SLFN11: variants seen among roughly 807,000 people sequenced by gnomAD.
The protein encoded by SLFN11 is schlafen family member 11.
In SLFN11, 43 loss-of-function variants were observed where a neutral mutation model predicts 53.4. That is an observed-to-expected ratio of 0.80 (90% CI 0.63 to 1.04). The LOEUF (loss-of-function observed/expected upper bound fraction) is 1.04. Among genes scored for constraint, SLFN11 ranks in the 50% least tolerant of loss-of-function variants. The probability of loss-of-function intolerance (pLI) is 0.00; values close to 1 mark genes in which losing one functional copy is unlikely to be tolerated. For missense variants in SLFN11, 990 were observed against 1,079.1 expected (o/e 0.92, Z 1.16); for synonymous variants, 389 against 394.7 (o/e 0.99, Z 0.17).
intron 1 of SLFN11, among the ~76,000 whole-genome samples, chr17:35,371,728 A>G (rs1010610896): frequency 2.6e-5 from 4 of 152,164 alleles, no homozygotes; most frequent in Non-Finnish European, 5.9e-5. Flanking sequence ...GGTGCTCAAC[A>G]TCACTGATCA....
In SLFN11 at chr17:35,353,857, G is replaced by A. The variant is rs1410531191; in HGVS notation, c.1401C>T (p.Asn467=). The change falls in exon 6 of 7, where the codon AAC becomes AAT. Residue 467 remains asparagine (N), a synonymous_variant. Transcript: ENST00000685675. ...GAATGGTGTAGAGAATGGGGGTGCT[G>A]TTCTGTGCTATCAGCAGAGCATCAC... The part of the protein sequence containing the change: ...VICDALLIAQ[N]STPILYTILR... The A allele has an allele frequency of 3.1e-6, 5 of 1,607,730 alleles. No homozygotes were observed. The East Asian group carries it at 1.1e-4, about 36-fold the overall frequency.
Position 35,360,235 on chromosome 17 carries a change from A to G in SLFN11, c.1198+8T>C, listed in dbSNP as rs767262327. The G allele has an allele frequency of 6.2e-7, 1 of 1,609,336 alleles. No homozygotes were observed. Among genetic ancestry groups the G allele is most frequent in the South Asian group, 1.1e-5 (1 of 89,890 alleles). ...CTGGCTGGTGTTGAGAAGACAAACC[A>G]TAATTACCTGAAAATAAAAGTTGCT... is the stretch of plus-strand genomic sequence containing the variant. On this transcript the variant is annotated splice_region_variant and intron_variant, in intron 5 of 6. Coordinates refer to ENST00000685675, the MANE Select transcript of SLFN11 (RefSeq NM_001376007.1).
chr17:35,360,433 A>G (rs1292484639), intron 4 of SLFN11, 62 bp from the exon 5 acceptor site: 1 of 1,412,240 alleles, frequency 7.1e-7, no homozygotes, highest in Non-Finnish European at 9.7e-7. Flanking sequence ...AAGAGGCTCT[A>G]TCAGTAGGTG....
intron 4 of SLFN11, among the ~76,000 whole-genome samples, chr17:35,362,502 A>G (rs1908351659): frequency 1.3e-5 from 2 of 152,164 alleles, no homozygotes; most frequent in African/African-American, 4.8e-5. Context: ...GCCATTCTCA[A>G]ATAATTTTCT....
chr17:35,363,822 T>C lies in SLFN11; in HGVS notation c.-15A>G. The C allele has an allele frequency of 3.9e-6, 6 of 1,541,654 alleles. No homozygotes were observed. The highest frequency in any genetic ancestry group is 5.2e-6 in the Non-Finnish European group (6 of 1,149,726). On this transcript the variant is annotated 5_prime_UTR_variant, in exon 4 of 7. Transcript: ENST00000685675. Reference sequence around the variant, plus strand: ...TTTGCCTCCATGTTGAACTCACAGCTGAAACTATTAGAAGAAATGAAGTGT... The same window carrying C: ...TTTGCCTCCATGTTGAACTCACAGCCGAAACTATTAGAAGAAATGAAGTGT...
intron 4 of SLFN11, among the ~76,000 whole-genome samples, chr17:35,360,840 T>G (rs1908114391): frequency 1.3e-5 from 2 of 152,106 alleles, no homozygotes; most frequent in South Asian, 4.1e-4. Context: ...CACAGTAGCT[T>G]GTGCCTGTAG....
chr17:35,370,795 A>G (rs996204398), intron 1 of SLFN11, among the ~76,000 whole-genome samples: 4 of 152,108 alleles, frequency 2.6e-5, no homozygotes, highest in Non-Finnish European at 5.9e-5. Flanking sequence ...AAACTATAAA[A>G]TCATGATGAA....
Position 35,363,510 on chromosome 17 carries a change from CT to C in SLFN11, c.297del (p.Gly100GlufsTer53). ...DLQAFFETKQ[Q>X]GRCFYIFVKS... ...TTAACAAAAATGTAAAAACACCTTC[CT>C]TGTTGCTTGGTCTCAAAGAAAGCCT... On this transcript the variant is annotated frameshift_variant, in exon 4 of 7. Coordinates refer to ENST00000685675, the MANE Select transcript of SLFN11 (RefSeq NM_001376007.1). LOFTEE classifies it high-confidence loss of function. 1 of 1,613,996 alleles carries C rather than the reference CT, an allele frequency of 6.2e-7. No homozygotes were observed. The highest frequency in any genetic ancestry group is 8.5e-7 in the Non-Finnish European group (1 of 1,179,972).
At chr17:35,371,655 T>C (rs558569027) in intron 1 of SLFN11, among the ~76,000 whole-genome samples, 3 of 151,872 alleles carry the variant, frequency 2.0e-5, no homozygotes, top group East Asian at 3.9e-4. Context: ...TATTGAAAAA[T>C]GGGCAAAAGA....
In SLFN11 at chr17:35,353,437, G is replaced by A. The variant is rs749454545; in HGVS notation, c.1821C>T (p.Ile607=). 3 of 1,606,920 alleles carry A rather than the reference G, an allele frequency of 1.9e-6. No homozygotes were observed. In the South Asian group the frequency reaches 3.3e-5, roughly 18 times the overall value. Residue 607 remains isoleucine (I), a synonymous_variant, in exon 6 of 7, where the codon ATC becomes ATT. Coordinates refer to ENST00000685675, the MANE Select transcript of SLFN11 (RefSeq NM_001376007.1). ...TCTTCTCCATGATCTTCATGGCCAT[G>A]ATGGTCTTCCCTGAGCCAGGTAAGC... is the stretch of plus-strand genomic sequence containing the variant. ...VHGLPGSGKT[I]MAMKIMEKIR...
rs773292358 is a variant in SLFN11, at chr17:35,360,198, C to G, written c.1198+45G>C. The stretch of plus-strand genomic sequence containing the variant: ...TATTATAGTTTAATCTCCCTTTATC[C>G]TAATATAGAAACTGGCTGGTGTTGA... On this transcript the variant is annotated intron_variant, in intron 5 of 6. Coordinates refer to ENST00000685675, the MANE Select transcript of SLFN11 (RefSeq NM_001376007.1). The G allele has an allele frequency of 1.9e-6, 3 of 1,579,274 alleles. No individual in the cohort carries two copies. In the East Asian group the frequency reaches 6.7e-5, roughly 35 times the overall value.
chr17:35,357,172 GTGTGTC>G (rs1907620634), intron 5 of SLFN11, among the ~76,000 whole-genome samples: 2 of 148,546 alleles, frequency 1.3e-5, no homozygotes, highest in African/African-American at 2.5e-5. Context: ...GTGTGTGTGT[GTGTGTC>G]TGTGTCCTTA....
At position 35,352,336 on chromosome 17, in the gene SLFN11, A is replaced by C; in HGVS notation, c.*20T>G. The stretch of plus-strand genomic sequence containing the variant: ...TGTCACCCATAGACATTTACATAGC[A>C]TTTTGATTTGGAGTTCTTCCTAATG... On this transcript the variant is annotated 3_prime_UTR_variant, in exon 7 of 7. Transcript: ENST00000685675. 1.2e-6 allele frequency: 2 copies of C among 1,611,836 alleles called. No individual in the cohort carries two copies. Among genetic ancestry groups the C allele is most frequent in the Admixed American group, 1.7e-5 (1 of 59,944 alleles).
At position 35,352,616 on chromosome 17, in the gene SLFN11, CG is replaced by C; in HGVS notation, c.2445del (p.Ala816GlnfsTer12). 6.2e-7 allele frequency: 1 copy of C among 1,614,174 alleles called. No homozygotes were observed. The highest frequency in any genetic ancestry group is 8.5e-7 in the Non-Finnish European group (1 of 1,180,036). ...TACTTATAGTGCTCCACTTCTTTTGCGGTGCTGACAAGCACAGCAACATCCT... is the reference window on the plus strand; with the variant it reads ...TACTTATAGTGCTCCACTTCTTTTGCGTGCTGACAAGCACAGCAACATCCT... ...SPKDVAVLVS[T>X]AKEVEHYKYE... On this transcript the variant is annotated frameshift_variant, in exon 7 of 7. Coordinates refer to ENST00000685675, the MANE Select transcript of SLFN11 (RefSeq NM_001376007.1). LOFTEE classifies it low-confidence loss of function (END_TRUNC).
At chr17:35,373,092 C>G (rs1294462687) in intron 1 of SLFN11, among the ~76,000 whole-genome samples, 1 of 152,086 alleles carries the variant, frequency 6.6e-6, no homozygotes, top group Non-Finnish European at 1.5e-5. Flanking sequence ...ACTCTGAAAC[C>G]TGAGATCTGC....
At position 35,351,225 on chromosome 17, in the gene SLFN11, A is replaced by T. The variant is rs1239560802; in HGVS notation, c.*1131T>A. 6.6e-6 allele frequency: 1 copy of T among 152,172 alleles called. No homozygotes were observed. Among genetic ancestry groups the T allele is most frequent in the African/African-American group, 2.4e-5 (1 of 41,400 alleles). The allele number at this position is 152,172 out of a possible 1,614,324, so 9.4% of individuals were successfully genotyped here. A position where few individuals can be genotyped will look rare whatever the true frequency, so the allele number is the denominator to read the frequency against. On this transcript the variant is annotated 3_prime_UTR_variant, in exon 7 of 7. Transcript: ENST00000685675. ...TGCCCTCTTGTTTGCATGCACAGGGAGGGAGGGAACAAGCTCTCTGGGGTC... is the reference window on the plus strand; with the variant it reads ...TGCCCTCTTGTTTGCATGCACAGGGTGGGAGGGAACAAGCTCTCTGGGGTC...
At chr17:35,369,949 A>G (rs996314177) in intron 1 of SLFN11, among the ~76,000 whole-genome samples, 8 of 152,144 alleles carry the variant, frequency 5.3e-5, no homozygotes, top group African/African-American at 1.9e-4. Flanking sequence ...AGAAGAACTA[A>G]TATCAATCTT....
At chr17:35,358,326 G>A (rs191871001) in intron 5 of SLFN11, among the ~76,000 whole-genome samples, 120 of 151,478 alleles carry the variant, frequency 7.9e-4, no homozygotes, top group African/African-American at 2.8e-3. Flanking sequence ...TTATTTTACT[G>A]TTTACAGTAG....
Position 35,353,112 on chromosome 17 carries a change from G to A in SLFN11, c.1950C>T (p.Thr650=). 1 of 1,613,912 alleles carries A rather than the reference G, an allele frequency of 6.2e-7. No homozygotes were observed. Among genetic ancestry groups the A allele is most frequent in the Non-Finnish European group, 8.5e-7 (1 of 1,179,940 alleles). ...AGTTTTCTCTTAGGAAAGTTTTCCG[G>A]GTCTCTGCTCGGCAGATATTTCTAT... ...ISDRNICRAE[T]RKTFLRENFE... The change falls in exon 7 of 7, where the codon ACC becomes ACT. Residue 650 remains threonine, a synonymous_variant. Transcript: ENST00000685675.
Sources: allele counts gnomAD v4.1 joint callset (sites outside exome capture counted in the v4.1 genomes callset), GRCh38; gene constraint gnomAD v4.1.1; transcripts MANE v1.5; gene names NCBI Gene and HGNC (gene_info 2026-07-23, HGNC 2026-07-21).